The following DUSP22 variants were observed in gnomAD, a reference collection of about 807,000 sequenced individuals.
DUSP22 encodes dual specificity protein phosphatase 22.
DUSP22 carries 24 observed loss-of-function variants against 24.5 expected under a neutral mutation model. The observed-to-expected ratio is 0.98, with a 90% CI of 0.71 to 1.38. DUSP22 has a LOEUF of 1.38. Ranked by LOEUF, DUSP22 falls within the 40% of genes most tolerant of loss-of-function variation. The probability of loss-of-function intolerance (pLI) is 0.00; values close to 1 mark genes in which losing one functional copy is unlikely to be tolerated. For missense variants in DUSP22, 330 were observed against 269.2 expected (o/e 1.23, Z -1.58); for synonymous variants, 160 against 106.4 (o/e 1.50, Z -3.10).
chr6:329,190 A>G (rs1465381194), intron 3 of DUSP22, among the ~76,000 whole-genome samples: 1 of 152,300 alleles, frequency 6.6e-6, no homozygotes, highest in Non-Finnish European at 1.5e-5. Flanking sequence ...TCCTGGGTCT[A>G]CGATCTTCAA....
chr6:348,958 C>T lies in DUSP22; in HGVS notation c.*7C>T, dbSNP rs773248597. On this transcript the variant is annotated 3_prime_UTR_variant, in exon 7 of 7. Transcript: ENST00000419235. ...TTATACGACGGAGACCTAACGCAAG[C>T]GACCTGCTGCCTTCCTTCCCACTGC... 2.7e-5 allele frequency: 42 copies of T among 1,574,524 alleles called. No individual in the cohort carries two copies. Among genetic ancestry groups the T allele is most frequent in the East Asian group, 2.6e-4 (11 of 42,278 alleles).
At chr6:295,247 A>G (rs898808751) in intron 1 of DUSP22, among the ~76,000 whole-genome samples, 5 of 152,278 alleles carry the variant, frequency 3.3e-5, no homozygotes, top group African/African-American at 9.6e-5. Context: ...TCTCGTACAC[A>G]TTGGTCATTT....
chr6:306,938 C>A (rs1192105707), intron 2 of DUSP22, among the ~76,000 whole-genome samples: 3 of 152,300 alleles, frequency 2.0e-5, no homozygotes, highest in African/African-American at 4.8e-5. Flanking sequence ...ATGGGTGATG[C>A]CCTCGGTGGG....
rs1359291035 is a variant in DUSP22 at position 349,582 on chromosome 6, G to T, written c.*631G>T. ...CAGGGTGGTGTGGTGGGGGCAACAG[G>T]GGCCAGACTCCTCTAGAGGGAGGGT... On this transcript the variant is annotated 3_prime_UTR_variant, in exon 7 of 7. Transcript: ENST00000419235. 2.0e-6 allele frequency: 2 copies of T among 988,674 alleles called. No homozygotes were observed. The highest frequency in any genetic ancestry group is 2.4e-6 in the Non-Finnish European group (2 of 832,508). 61.2% of individuals were successfully genotyped at this position (988,674 alleles called of 1,614,324 possible).
At chr6:343,130 C>G (rs189361745) in intron 4 of DUSP22, among the ~76,000 whole-genome samples, 61 of 152,392 alleles carry the variant, frequency 4.0e-4, no homozygotes, top group Admixed American at 4.0e-3. Flanking sequence ...GGGATTACAG[C>G]AGGAATCCTT....
At chr6:346,176 C>T (rs1330436791) in intron 5 of DUSP22, among the ~76,000 whole-genome samples, 1 of 152,304 alleles carries the variant, frequency 6.6e-6, no homozygotes, top group Non-Finnish European at 1.5e-5. Context: ...TCTGTAGGGA[C>T]CGTGAAGGTT....
intron 2 of DUSP22, among the ~76,000 whole-genome samples, chr6:308,206 C>A (rs1016512985): frequency 6.6e-6 from 1 of 152,076 alleles, no homozygotes; most frequent in Non-Finnish European, 1.5e-5. Context: ...AGCACCAAAG[C>A]GCTAAGTTCT....
Position 349,747 on chromosome 6 carries a change from A to G in DUSP22, c.*796A>G, listed in dbSNP as rs992091578. 2.8e-5 allele frequency: 28 copies of G among 985,934 alleles called. No homozygotes were observed. Among genetic ancestry groups the G allele is most frequent in the Admixed American group, 1.2e-4 (2 of 16,282 alleles). The allele number at this position is 985,934 out of a possible 1,614,324, so 61.1% of individuals were successfully genotyped here. ...GAATGCACCAGGCTGAGGGTTCCCT[A>G]GCGCCTTGAGTCAAGGCCACTTTTC... On this transcript the variant is annotated 3_prime_UTR_variant, in exon 7 of 7. Coordinates refer to ENST00000419235, the MANE Select transcript of DUSP22 (RefSeq NM_001286555.3).
chr6:339,000 A>G (rs1022136588), intron 4 of DUSP22, among the ~76,000 whole-genome samples: 14 of 152,304 alleles, frequency 9.2e-5, no homozygotes, highest in Admixed American at 7.2e-4. Flanking sequence ...AGTTTGAGAT[A>G]ACATTAACAT....
chr6:301,162 AG>A (rs1465966598), intron 1 of DUSP22, among the ~76,000 whole-genome samples: 9 of 152,306 alleles, frequency 5.9e-5, no homozygotes, highest in Admixed American at 3.3e-4. Context: ...CCCTGGGGCC[AG>A]GGTATCCCCA....
intron 1 of DUSP22, among the ~76,000 whole-genome samples, chr6:300,274 G>A (rs1393277470): frequency 6.6e-6 from 1 of 152,308 alleles, no homozygotes; most frequent in Non-Finnish European, 1.5e-5. Flanking sequence ...TGAGATTGGA[G>A]AATGCCTTCG....
chr6:324,966 A>G (rs1357235680), intron 3 of DUSP22, among the ~76,000 whole-genome samples: 1 of 152,300 alleles, frequency 6.6e-6, no homozygotes, highest in African/African-American at 2.4e-5. Context: ...TGTTTAAGGC[A>G]GGCTGCCGCA....
intron 4 of DUSP22, among the ~76,000 whole-genome samples, chr6:338,336 T>TA (rs1759452601): frequency 6.6e-6 from 1 of 152,418 alleles, no homozygotes; most frequent in African/African-American, 2.4e-5. Context: ...TTTTACCTGT[T>TA]ACAAGTGTTC....
intron 3 of DUSP22, among the ~76,000 whole-genome samples, chr6:333,381 T>C (rs1442762186): frequency 6.6e-6 from 1 of 152,306 alleles, no homozygotes; most frequent in African/African-American, 2.4e-5. Flanking sequence ...AAAGGGCCTT[T>C]ATTGGAAGGT....
At position 349,434 on chromosome 6, in the gene DUSP22, A is replaced by G. The variant is rs1284169178; in HGVS notation, c.*483A>G. Reference sequence around the variant, plus strand: ...CCTTTCCCTTTGTCCAAGACTCCACATGGAAGGCATTTGAGCTCGACCTCC... The same window carrying G: ...CCTTTCCCTTTGTCCAAGACTCCACGTGGAAGGCATTTGAGCTCGACCTCC... On this transcript the variant is annotated 3_prime_UTR_variant, in exon 7 of 7. Coordinates refer to ENST00000419235, the MANE Select transcript of DUSP22 (RefSeq NM_001286555.3). 2.4e-5 allele frequency: 24 copies of G among 1,009,202 alleles called. No homozygotes were observed. The highest frequency in any genetic ancestry group is 2.6e-5 in the Non-Finnish European group (22 of 844,906). The allele number at this position is 1,009,202 out of a possible 1,614,324, so 62.5% of individuals were successfully genotyped here. A position where few individuals can be genotyped will look rare whatever the true frequency, so the allele number is the denominator to read the frequency against.
At chr6:335,060 T>C (rs1181431247) in intron 3 of DUSP22, 54 bp from the exon 4 acceptor site, 5 of 1,578,036 alleles carry the variant, frequency 3.2e-6, no homozygotes, top group Non-Finnish European at 4.3e-6. Context: ...AATACTTTTC[T>C]CCACTGAGTT....
chr6:323,348 A>C (rs546947860), intron 3 of DUSP22, among the ~76,000 whole-genome samples: 2 of 152,422 alleles, frequency 1.3e-5, no homozygotes, highest in African/African-American at 4.8e-5. Context: ...TGCCAGCGTC[A>C]AGTTTCAGCA....
At chr6:299,198 TTCTC>T (rs1229979860) in intron 1 of DUSP22, among the ~76,000 whole-genome samples, 17 of 152,424 alleles carry the variant, frequency 1.1e-4, no homozygotes, top group Admixed American at 1.1e-3. Context: ...TGATTTCATT[TTCTC>T]TCTGTTTTTC....
rs1000506874 is a variant in DUSP22 at position 349,890 on chromosome 6, C to G, written c.*939C>G. 1.8e-5 allele frequency: 18 copies of G among 986,040 alleles called. No homozygotes were observed. In the African/African-American group the frequency reaches 2.8e-4, roughly 15 times the overall value. 61.1% of individuals were successfully genotyped at this position (986,040 alleles called of 1,614,324 possible). A position where few individuals can be genotyped will look rare whatever the true frequency, so the allele number is the denominator to read the frequency against. ...TGGGTGCCCCAGGGCACCCCCTCCTCTCTGCTCCTTGCCAGCTTCATTCAC... is the reference window on the plus strand; with the variant it reads ...TGGGTGCCCCAGGGCACCCCCTCCTGTCTGCTCCTTGCCAGCTTCATTCAC... On this transcript the variant is annotated 3_prime_UTR_variant, in exon 7 of 7. Transcript: ENST00000419235.
Sources: allele counts gnomAD v4.1 joint callset (sites outside exome capture counted in the v4.1 genomes callset), GRCh38; gene constraint gnomAD v4.1.1; transcripts MANE v1.5; gene names NCBI Gene and HGNC (gene_info 2026-07-23, HGNC 2026-07-21).